Variants in OR2L13 observed in about 807,000 individuals in gnomAD.
OR2L13 encodes olfactory receptor family 2 subfamily L member 13.
In OR2L13, 14 loss-of-function variants were observed where a neutral mutation model predicts 15.3. The ratio of observed to expected loss-of-function variants is 0.91; its 90% CI spans 0.60 to 1.43. OR2L13 has a LOEUF of 1.43. Among genes scored for constraint, OR2L13 ranks in the 40% most tolerant of loss-of-function variants. The pLI is 0.00. For missense variants in OR2L13, 367 were observed against 387.9 expected (o/e 0.95, Z 0.45); for synonymous variants, 152 against 142.9 (o/e 1.06, Z -0.45).
At chr1:248,036,857 T>C in the OR2L13 span, among the ~76,000 whole-genome samples, 1 of 152,210 alleles carries the variant, frequency 6.6e-6, no homozygotes, top group South Asian at 2.1e-4. Flanking sequence ...GATTACATTA[T>C]ACTTTATGGA....
chr1:247,990,674 GA>G, the OR2L13 span: 1 of 1,529,928 alleles, frequency 6.5e-7, no homozygotes, highest in Non-Finnish European at 9.1e-7. Flanking sequence ...ATCCGTATGA[GA>G]AAAAGAGTGT....
chr1:247,972,960 G>T, the OR2L13 span, among the ~76,000 whole-genome samples: 1 of 152,108 alleles, frequency 6.6e-6, no homozygotes, highest in Non-Finnish European at 1.5e-5. Context: ...TGGTATGCAT[G>T]GTTGATTCAA....
the OR2L13 span, chr1:248,062,222 C>T: frequency 6.6e-6 from 1 of 152,066 alleles, no homozygotes; most frequent in Non-Finnish European, 1.5e-5. Flanking sequence ...GGGAATGAAT[C>T]CCAGGAAATG....
the OR2L13 span, among the ~76,000 whole-genome samples, chr1:247,947,310 G>A: frequency 3.3e-5 from 5 of 152,188 alleles, no homozygotes; most frequent in Admixed American, 6.5e-5. Flanking sequence ...GCATATGACT[G>A]TGTGTGATTG....
chr1:247,967,126 CA>C, the OR2L13 span, among the ~76,000 whole-genome samples: 7 of 152,196 alleles, frequency 4.6e-5, no homozygotes, highest in Non-Finnish European at 1.0e-4. Context: ...GGGGATTACA[CA>C]ACTGCTTTTC....
chr1:247,986,053 G>A, the OR2L13 span, among the ~76,000 whole-genome samples: 7 of 151,876 alleles, frequency 4.6e-5, no homozygotes, highest in African/African-American at 7.3e-5. Context: ...CTCCCATTCC[G>A]TAAGTTGCCT....
chr1:248,041,128 C>A, the OR2L13 span: 1 of 152,202 alleles, frequency 6.6e-6, no homozygotes, highest in South Asian at 2.1e-4. Context: ...ACATAAATAA[C>A]CAAAACAGCA....
At chr1:247,983,766 C>T in the OR2L13 span, among the ~76,000 whole-genome samples, 1 of 152,194 alleles carries the variant, frequency 6.6e-6, no homozygotes, top group East Asian at 1.9e-4. Context: ...TCCTGCCACT[C>T]ACGACTTGCA....
the OR2L13 span, among the ~76,000 whole-genome samples, chr1:248,027,760 G>A: frequency 6.6e-6 from 1 of 152,142 alleles, no homozygotes. Flanking sequence ...AACTGACTCA[G>A]TGCAGGATGC....
At chr1:247,951,992 TGC>T in the OR2L13 span, among the ~76,000 whole-genome samples, 1 of 151,940 alleles carries the variant, frequency 6.6e-6, no homozygotes, top group Non-Finnish European at 1.5e-5. Context: ...TGTGTGTGTG[TGC>T]GCGCGTGCGC....
chr1:247,975,091 G>C, the OR2L13 span: 1 of 348,846 alleles, frequency 2.9e-6, no homozygotes, highest in Non-Finnish European at 5.7e-6. Context: ...TGACATCAAT[G>C]GCCTGTGATC....
the OR2L13 span, among the ~76,000 whole-genome samples, chr1:248,000,911 G>A: frequency 1.3e-5 from 2 of 151,912 alleles, no homozygotes; most frequent in Non-Finnish European, 2.9e-5. Context: ...CTTATATGGA[G>A]TTTTTGACTT....
chr1:247,969,207 G>A, the OR2L13 span, among the ~76,000 whole-genome samples: 1 of 151,880 alleles, frequency 6.6e-6, no homozygotes, highest in Non-Finnish European at 1.5e-5. Context: ...TTTTTTTCTT[G>A]TAAATTTGTT....
chr1:248,006,856 C>T, the OR2L13 span, among the ~76,000 whole-genome samples: 2 of 152,194 alleles, frequency 1.3e-5, no homozygotes, highest in African/African-American at 2.4e-5. Flanking sequence ...TCTCCAGACA[C>T]TGAATCTTCA....
At chr1:248,091,653 G>A (rs995784293), upstream of OR2L13, among the ~76,000 whole-genome samples, 6 of 152,036 alleles carry the variant, frequency 3.9e-5, no homozygotes, top group South Asian at 2.1e-4. Flanking sequence ...ATCTGTCATT[G>A]TACCATTAAC....
chr1:248,013,338 T>C, the OR2L13 span, among the ~76,000 whole-genome samples: 1 of 152,148 alleles, frequency 6.6e-6, no homozygotes, highest in African/African-American at 2.4e-5. Flanking sequence ...TCTGAATAAA[T>C]ATACTTGTTT....
At chr1:247,966,325 A>T in the OR2L13 span, 7 of 1,612,354 alleles carry the variant, frequency 4.3e-6, no homozygotes, top group Non-Finnish European at 5.1e-6. Context: ...ATATGACTTC[A>T]GATCTCTGTA....
chr1:248,038,121 T>C, the OR2L13 span: 1,187 of 577,994 alleles, frequency 2.1e-3, 16 homozygotes, highest in African/African-American at 0.02. Context: ...TTTATGGATA[T>C]AAAAATAGTT....
At chr1:247,965,556 C>T in the OR2L13 span, 1 of 1,609,078 alleles carries the variant, frequency 6.2e-7, no homozygotes, top group Admixed American at 1.7e-5. Context: ...CTCCAATGTA[C>T]TTTCTGCTCA....
Sources: allele counts gnomAD v4.1 joint callset (sites outside exome capture counted in the v4.1 genomes callset), GRCh38; gene constraint gnomAD v4.1.1; transcripts MANE v1.5; gene names NCBI Gene and HGNC (gene_info 2026-07-23, HGNC 2026-07-21).